The following SNTG2 variants were observed in gnomAD, a reference collection of about 807,000 sequenced individuals.
SNTG2 encodes the protein syntrophin gamma 2.
Under a neutral mutation model 70.9 loss-of-function variants are expected in SNTG2, and 74 were observed. That is an observed-to-expected ratio of 1.04 (90% confidence interval 0.86 to 1.27). The LOEUF is 1.27. Among genes scored for constraint, SNTG2 ranks in the 50% most tolerant of loss-of-function variants. The pLI is 0.00. For missense variants in SNTG2, 717 were observed against 690.7 expected (o/e 1.04, Z -0.43); for synonymous variants, 278 against 273.8 (o/e 1.02, Z -0.15).
chr2:1,356,463 G>A lies in SNTG2; in HGVS notation c.1489-10880G>A, dbSNP rs541534785. Among the ~76,000 whole-genome samples the A allele has an allele frequency of 1.2e-4, 19 of 152,208 alleles. 1 individual carries two copies. Among genetic ancestry groups the A allele is most frequent in the East Asian group, 9.7e-4 (5 of 5,180 alleles). On this transcript the variant is annotated intron_variant, in intron 16 of 16. Transcript: ENST00000308624. ...GACTGACCTTTCCCCACTGTATAGC[G>A]TTAGCCCTTTGTGGAAGATCACCTG...
chr2:1,357,411 C>G (rs1165600453), intron 16 of SNTG2, among the ~76,000 whole-genome samples: 1 of 151,938 alleles, frequency 6.6e-6, no homozygotes, highest in Non-Finnish European at 1.5e-5. Context: ...TGATTTGTAC[C>G]CCTATGTCCC....
chr2:1,288,934 G>T (rs1469264989), intron 14 of SNTG2, among the ~76,000 whole-genome samples: 1 of 152,082 alleles, frequency 6.6e-6, no homozygotes, highest in African/African-American at 2.4e-5. Flanking sequence ...ACACAAATCT[G>T]ACTTCAGATT....
intron 1 of SNTG2, among the ~76,000 whole-genome samples, chr2:955,954 T>TCCCTGCCCCTGC (rs67552563): frequency 4.2e-4 from 63 of 150,234 alleles, no homozygotes; most frequent in African/African-American, 1.5e-3. Context: ...CTCAGAGCCT[T>TCCCTGCCCCTGC]CCCTGCCCCT....
intron 8 of SNTG2, among the ~76,000 whole-genome samples, chr2:1,183,864 A>G (rs548434668): frequency 6.6e-5 from 10 of 152,192 alleles, no homozygotes; most frequent in Admixed American, 4.6e-4. Context: ...GAGTTTTTCC[A>G]TGTATATCCA....
intron 12 of SNTG2, among the ~76,000 whole-genome samples, chr2:1,251,563 G>A (rs1677766302): frequency 7.6e-6 from 1 of 131,906 alleles, no homozygotes; most frequent in Non-Finnish European, 1.6e-5. Context: ...CATACAAATA[G>A]AACACACACC....
rs189440593 is a variant in SNTG2 at position 1,221,123 on chromosome 2, A to G, written c.719+11893A>G. Among the ~76,000 whole-genome samples, 354 of 152,070 alleles carry G rather than the reference A, an allele frequency of 2.3e-3. 3 individuals are homozygous for G. The highest frequency in any genetic ancestry group is 8.2e-3 in the African/African-American group (342 of 41,478). On this transcript the variant is annotated intron_variant, in intron 9 of 16. Coordinates refer to ENST00000308624, the MANE Select transcript of SNTG2 (RefSeq NM_018968.4). ...ACTCTGCATCTGTGTCATTCTCCCA[A>G]CTCACTTCTCTAGGCTCCGTTACGC... is the stretch of plus-strand genomic sequence containing the variant.
At chr2:1,308,847 G>A (rs1267123245) in intron 15 of SNTG2, among the ~76,000 whole-genome samples, 1 of 152,130 alleles carries the variant, frequency 6.6e-6, no homozygotes, top group African/African-American at 2.4e-5. Context: ...TGCTGCTAAG[G>A]AGGGACCCAC....
chr2:1,235,181 CACT>C, intron 9 of SNTG2, among the ~76,000 whole-genome samples: 1 of 148,948 alleles, frequency 6.7e-6, no homozygotes, highest in African/African-American at 2.5e-5. Context: ...GCCCCTACCC[CACT>C]CTGCCCTGAG....
chr2:1,357,678 T>C (rs1660924963), intron 16 of SNTG2, among the ~76,000 whole-genome samples: 1 of 152,164 alleles, frequency 6.6e-6, no homozygotes, highest in South Asian at 2.1e-4. Flanking sequence ...TTTTGATTAC[T>C]GATTCACTCT....
chr2:1,300,678 C>G (rs1313463125), intron 14 of SNTG2, among the ~76,000 whole-genome samples: 1 of 151,636 alleles, frequency 6.6e-6, no homozygotes, highest in Non-Finnish European at 1.5e-5. Flanking sequence ...GCTTCTTTAA[C>G]TTCATTAATT....
intron 1 of SNTG2, among the ~76,000 whole-genome samples, chr2:981,516 T>A (rs11685509): frequency 0.4 from 60,688 of 150,430 alleles, 12,528 homozygotes; most frequent in Middle Eastern, 0.49. Flanking sequence ...ATGCAAGCAC[T>A]CACACATGTT....
At chr2:1,165,050 A>G (rs1187278355) in intron 6 of SNTG2, among the ~76,000 whole-genome samples, 1 of 152,230 alleles carries the variant, frequency 6.6e-6, no homozygotes, top group Non-Finnish European at 1.5e-5. Flanking sequence ...AACAGTTTGT[A>G]TAATTTGAAA....
intron 13 of SNTG2, among the ~76,000 whole-genome samples, chr2:1,266,703 G>T (rs2148182308): frequency 6.7e-6 from 1 of 149,260 alleles, no homozygotes; most frequent in Middle Eastern, 3.5e-3. Context: ...GTGTTTTCTG[G>T]TTTTATGATA....
chr2:1,258,844 T>G (rs1196744765), intron 12 of SNTG2, among the ~76,000 whole-genome samples: 1 of 152,172 alleles, frequency 6.6e-6, no homozygotes, highest in African/African-American at 2.4e-5. Flanking sequence ...CAACGAAAAA[T>G]GTATTCAATT....
chr2:1,197,462 CATATATATATGTGT>C (rs912862753), intron 8 of SNTG2, among the ~76,000 whole-genome samples: 2 of 96,124 alleles, frequency 2.1e-5, no homozygotes, highest in African/African-American at 3.8e-5. Context: ...TCAGAGCATG[CATATATATATGTGT>C]ATATATATAT....
chr2:1,299,223 C>T (rs1465931487), intron 14 of SNTG2, among the ~76,000 whole-genome samples: 1 of 152,250 alleles, frequency 6.6e-6, no homozygotes, highest in Non-Finnish European at 1.5e-5. Flanking sequence ...GTCACTAGTC[C>T]TGACCCTGCT....
intron 4 of SNTG2, among the ~76,000 whole-genome samples, chr2:1,100,781 T>C (rs113031376): frequency 1.2e-3 from 178 of 152,200 alleles, no homozygotes; most frequent in African/African-American, 4.2e-3. Context: ...TTGGTGGATA[T>C]GATGAAAAGT....
intron 16 of SNTG2, among the ~76,000 whole-genome samples, chr2:1,355,130 C>T (rs542569672): frequency 2.3e-4 from 35 of 152,368 alleles, no homozygotes; most frequent in African/African-American, 8.2e-4. Context: ...ACGTTAGTGC[C>T]ATTTATACCT....
intron 14 of SNTG2, among the ~76,000 whole-genome samples, chr2:1,306,545 C>T (rs531190280): frequency 5.9e-5 from 9 of 152,258 alleles, no homozygotes; most frequent in Non-Finnish European, 1.3e-4. Context: ...ACAGCAGGAG[C>T]GGGGGGACAG....
Sources: allele counts gnomAD v4.1 joint callset (sites outside exome capture counted in the v4.1 genomes callset), GRCh38; gene constraint gnomAD v4.1.1; transcripts MANE v1.5; gene names NCBI Gene and HGNC (gene_info 2026-07-23, HGNC 2026-07-21).